ZCCHC7: variants seen among roughly 807,000 people sequenced by gnomAD.
The protein encoded by ZCCHC7 is zinc finger CCHC domain-containing protein 7.
In ZCCHC7, 35 loss-of-function variants were observed where a neutral mutation model predicts 52.0. The ratio of observed to expected loss-of-function variants is 0.67; its 90% CI spans 0.51 to 0.89. The LOEUF (loss-of-function observed/expected upper bound fraction) is 0.89. Among genes scored for constraint, ZCCHC7 ranks in the 40% least tolerant of loss-of-function variants. The pLI is 0.00. For missense variants in ZCCHC7, 574 were observed against 649.1 expected (o/e 0.88, Z 1.26); for synonymous variants, 217 against 221.5 (o/e 0.98, Z 0.18).
At chr9:37,352,083 G>A (rs1476545697) in intron 7 of ZCCHC7, among the ~76,000 whole-genome samples, 2 of 152,136 alleles carry the variant, frequency 1.3e-5, no homozygotes, top group East Asian at 3.8e-4. Context: ...CTAATGGAGG[G>A]GACCAGCGAT....
At position 37,354,133 on chromosome 9, in the gene ZCCHC7, A is replaced by G. The variant is rs1440244393; in HGVS notation, c.1084-577A>G. Among the ~76,000 whole-genome samples, 3 of 152,136 alleles carry G rather than the reference A, an allele frequency of 2.0e-5. No individual in the cohort carries two copies. Among genetic ancestry groups the G allele is most frequent in the Non-Finnish European group, 2.9e-5 (2 of 68,026 alleles). On this transcript the variant is annotated intron_variant, in intron 7 of 8. Coordinates refer to ENST00000336755, the MANE Select transcript of ZCCHC7 (RefSeq NM_032226.3). The surrounding 1 kb of genome is among the most constrained non-coding windows in gnomAD (Gnocchi z 4.0). ...ACTTCTTTTGGGGTGTCTCACAATT[A>G]CCTAGGAACAATTTTAAACTAGGCA... is the stretch of plus-strand genomic sequence containing the variant.
At chr9:37,212,105 C>T (rs1824272870) in intron 2 of ZCCHC7, among the ~76,000 whole-genome samples, 1 of 146,540 alleles carries the variant, frequency 6.8e-6, no homozygotes, top group Admixed American at 6.9e-5. Flanking sequence ...ATTTTACCTC[C>T]CAGGATCATT....
intron 3 of ZCCHC7, among the ~76,000 whole-genome samples, chr9:37,303,339 C>T (rs146614959): frequency 4.6e-5 from 7 of 151,734 alleles, no homozygotes; most frequent in African/African-American, 9.7e-5. Flanking sequence ...GCAGGAGAAT[C>T]GCTTGAACCC....
intron 2 of ZCCHC7, among the ~76,000 whole-genome samples, chr9:37,155,168 G>A (rs1183830940): frequency 6.6e-6 from 1 of 152,102 alleles, no homozygotes; most frequent in African/African-American, 2.4e-5. Flanking sequence ...AGACCATCCT[G>A]GCTAACACAG....
chr9:37,239,440 A>G (rs1353932552), intron 2 of ZCCHC7, among the ~76,000 whole-genome samples: 1 of 152,070 alleles, frequency 6.6e-6, no homozygotes, highest in African/African-American at 2.4e-5. Context: ...GATGACCTTC[A>G]TGTTCTAGTC....
chr9:37,147,415 G>A (rs1843481340), intron 2 of ZCCHC7: 1 of 151,956 alleles, frequency 6.6e-6, no homozygotes, highest in Admixed American at 6.6e-5. Flanking sequence ...TGTTTTGAAA[G>A]TGTCTAATAT....
intron 2 of ZCCHC7, among the ~76,000 whole-genome samples, chr9:37,189,666 G>T (rs963840639): frequency 1.3e-5 from 2 of 152,294 alleles, no homozygotes; most frequent in African/African-American, 4.8e-5. Flanking sequence ...GGGATTACAG[G>T]CATGAGCCAC....
chr9:37,267,010 A>G (rs1827136719), intron 2 of ZCCHC7, among the ~76,000 whole-genome samples: 1 of 152,212 alleles, frequency 6.6e-6, no homozygotes, highest in Non-Finnish European at 1.5e-5. Context: ...AAAATGTTAT[A>G]TTGAGAGAGA....
chr9:37,156,518 C>T (rs372416365), intron 2 of ZCCHC7, among the ~76,000 whole-genome samples: 3 of 152,202 alleles, frequency 2.0e-5, no homozygotes, highest in East Asian at 3.9e-4. Flanking sequence ...TGGAGTAAAA[C>T]GGTTTTTAAA....
chr9:37,139,353 C>G (rs1362505622), intron 2 of ZCCHC7, among the ~76,000 whole-genome samples: 1 of 151,922 alleles, frequency 6.6e-6, no homozygotes, highest in East Asian at 1.9e-4. Flanking sequence ...GTCACATTTT[C>G]TTTTTAAATC....
intron 2 of ZCCHC7, among the ~76,000 whole-genome samples, chr9:37,244,211 A>G (rs1021633969): frequency 1.3e-5 from 2 of 151,512 alleles, no homozygotes; most frequent in African/African-American, 4.8e-5. Context: ...AGTAAAGTTA[A>G]GTGAATTTTT....
chr9:37,151,517 T>C (rs897220447), intron 2 of ZCCHC7, among the ~76,000 whole-genome samples: 7 of 152,070 alleles, frequency 4.6e-5, no homozygotes, highest in Non-Finnish European at 1.0e-4. Flanking sequence ...AACAAATTCT[T>C]TTTCTGGCTG....
intron 2 of ZCCHC7, among the ~76,000 whole-genome samples, chr9:37,151,160 G>T (rs962430712): frequency 5.3e-5 from 8 of 151,876 alleles, no homozygotes; most frequent in Non-Finnish European, 1.0e-4. Context: ...CAGAGACGGG[G>T]TTTCACCGTG....
At chr9:37,199,204 A>C (rs544112059) in intron 2 of ZCCHC7, among the ~76,000 whole-genome samples, 1 of 152,292 alleles carries the variant, frequency 6.6e-6, no homozygotes, top group Non-Finnish European at 1.5e-5. Context: ...AACAAACAGC[A>C]AAAGAAAAAG....
chr9:37,308,667 G>A (rs561396002), intron 5 of ZCCHC7, among the ~76,000 whole-genome samples: 35 of 152,066 alleles, frequency 2.3e-4, no homozygotes, highest in African/African-American at 8.4e-4. Context: ...TGCTCAGGAG[G>A]CTAATGCAGG....
At chr9:37,159,532 G>T (rs987309644) in intron 2 of ZCCHC7, among the ~76,000 whole-genome samples, 3 of 152,124 alleles carry the variant, frequency 2.0e-5, no homozygotes, top group Admixed American at 6.5e-5. Context: ...AGAACCTTTT[G>T]ATTTTGTTGG....
At chr9:37,287,683 A>G (rs1013272758) in intron 2 of ZCCHC7, among the ~76,000 whole-genome samples, 2 of 152,190 alleles carry the variant, frequency 1.3e-5, no homozygotes, top group African/African-American at 4.8e-5. Context: ...GTGTTTTTAC[A>G]CACAAAAAAG....
chr9:37,262,635 G>A (rs1202240726), intron 2 of ZCCHC7, among the ~76,000 whole-genome samples: 1 of 152,164 alleles, frequency 6.6e-6, no homozygotes, highest in Non-Finnish European at 1.5e-5. Context: ...AGAACTCCCG[G>A]TGGATACCAG....
intron 2 of ZCCHC7, among the ~76,000 whole-genome samples, chr9:37,299,934 A>G (rs1828954603): frequency 6.6e-6 from 1 of 152,184 alleles, no homozygotes; most frequent in Admixed American, 6.5e-5. Flanking sequence ...AAATGGATTG[A>G]AAATACAGTT....
Sources: allele counts gnomAD v4.1 joint callset (sites outside exome capture counted in the v4.1 genomes callset), GRCh38; gene constraint gnomAD v4.1.1; non-coding constraint Gnocchi (gnomAD v3.1); transcripts MANE v1.5; gene names NCBI Gene and HGNC (gene_info 2026-07-23, HGNC 2026-07-21).